DECR1: variants seen among roughly 807,000 people sequenced by gnomAD.
The protein encoded by DECR1 is 2,4-dienoyl-CoA reductase 1, also known as 2,4-dienoyl-CoA reductase [(3E)-enoyl-CoA-producing], mitochondrial.
Under a neutral mutation model 38.8 loss-of-function variants are expected in DECR1, and 44 were observed. The observed-to-expected ratio is 1.13, with a 90% CI of 0.89 to 1.46. DECR1 has a LOEUF of 1.46. Among genes scored for constraint, DECR1 ranks in the 40% most tolerant of loss-of-function variants. The pLI is 0.00. For synonymous variants in DECR1, 148 were observed against 135.2 expected (o/e 1.09, Z -0.66); for missense variants, 428 against 405.5 (o/e 1.06, Z -0.48).
intron 5 of DECR1, among the ~76,000 whole-genome samples, chr8:90,027,063 T>C (rs1813365250): frequency 6.6e-6 from 1 of 152,218 alleles, no homozygotes; most frequent in South Asian, 2.1e-4. Context: ...GAGTTGTCGT[T>C]TGATTGCACT....
At chr8:90,039,790 C>G (rs909150774) in intron 6 of DECR1, among the ~76,000 whole-genome samples, 1 of 152,180 alleles carries the variant, frequency 6.6e-6, no homozygotes. Context: ...ATTATATAAC[C>G]AGGCTCACCT....
At chr8:90,002,504 T>A (rs1563608858) in intron 1 of DECR1, among the ~76,000 whole-genome samples, 2 of 148,036 alleles carry the variant, frequency 1.4e-5, no homozygotes, top group African/African-American at 5.3e-5. Context: ...AAAGAAGCAA[T>A]AATATCCAAG....
intron 1 of DECR1, chr8:90,005,645 G>A (rs2129995025): frequency 2.8e-6 from 1 of 358,192 alleles, no homozygotes; most frequent in Non-Finnish European, 5.5e-6. Context: ...CAACGATCCT[G>A]TCAAAATTTA....
chr8:90,036,946 T>C lies in DECR1; in HGVS notation c.665+6T>C, dbSNP rs1813632460. 1 of 1,601,108 alleles carries C rather than the reference T, an allele frequency of 6.2e-7. No individual in the cohort carries two copies. Among genetic ancestry groups the C allele is most frequent in the African/African-American group, 1.3e-5 (1 of 74,732 alleles). On this transcript the variant is annotated splice_donor_region_variant and intron_variant, in intron 6 of 9. Coordinates refer to ENST00000220764, the MANE Select transcript of DECR1 (RefSeq NM_001359.2). ...GGTGTGGAAGCCATGAGCAAGTAAGTACTTCCTTGTCAATCCTGTTGCTGA... is the reference window on the plus strand; with the variant it reads ...GGTGTGGAAGCCATGAGCAAGTAAGCACTTCCTTGTCAATCCTGTTGCTGA...
chr8:90,016,023 A>G (rs541953954), intron 1 of DECR1, among the ~76,000 whole-genome samples: 3 of 152,346 alleles, frequency 2.0e-5, no homozygotes, highest in Admixed American at 1.3e-4. Flanking sequence ...TTAGATACCT[A>G]AAGTTTGTTT....
Position 90,021,225 on chromosome 8 carries a change from G to T in DECR1, c.565+169G>T, listed in dbSNP as rs538348527. Among the ~76,000 whole-genome samples the T allele has an allele frequency of 2.0e-5, 3 of 152,352 alleles. No homozygotes were observed. The East Asian group carries it at 5.8e-4, about 29-fold the overall frequency. On this transcript the variant is annotated intron_variant, in intron 5 of 9. Coordinates refer to ENST00000220764, the MANE Select transcript of DECR1 (RefSeq NM_001359.2). ...ATTATCATATGTTACAATTTGAGCA[G>T]TAATAAATATATGTTTCAAGTGCAT...
intron 5 of DECR1, among the ~76,000 whole-genome samples, chr8:90,035,101 T>C (rs1029947357): frequency 2.0e-5 from 3 of 152,154 alleles, no homozygotes; most frequent in African/African-American, 7.2e-5. Context: ...TTGTCTGTGT[T>C]TGTGTATTTT....
intron 4 of DECR1, 143 bp downstream of exon 4, chr8:90,019,315 C>A: frequency 1.5e-6 from 1 of 651,228 alleles, no homozygotes; most frequent in Non-Finnish European, 2.6e-6. Context: ...AGGTTCTTGG[C>A]TTCACCCAGG....
intron 6 of DECR1, among the ~76,000 whole-genome samples, chr8:90,040,341 C>G (rs1813726053): frequency 6.6e-6 from 1 of 152,172 alleles, no homozygotes; most frequent in Non-Finnish European, 1.5e-5. Context: ...AAAATACATT[C>G]ATGGATTAAG....
chr8:90,043,432 A>T (rs1586164364), intron 7 of DECR1, among the ~76,000 whole-genome samples: 1 of 152,216 alleles, frequency 6.6e-6, no homozygotes, highest in East Asian at 1.9e-4. Context: ...TGTTGCTCAG[A>T]ATATCCACAC....
chr8:90,020,140 G>T (rs1036516330), intron 4 of DECR1, among the ~76,000 whole-genome samples: 1 of 152,170 alleles, frequency 6.6e-6, no homozygotes, highest in African/African-American at 2.4e-5. Context: ...GTTTCTTCCA[G>T]TAGTCTCAAA....
intron 6 of DECR1, chr8:90,042,414 C>CTG: frequency 4.1e-6 from 1 of 245,010 alleles, no homozygotes; most frequent in Non-Finnish European, 7.9e-6. Flanking sequence ...TTCTAAACTA[C>CTG]AAATGGTAGG....
chr8:90,017,090 T>C (rs1813026624), intron 1 of DECR1, 34 bp from the exon 2 acceptor site: 2 of 1,491,460 alleles, frequency 1.3e-6, no homozygotes, highest in African/African-American at 1.4e-5. Flanking sequence ...TGGAAATATA[T>C]GTATGCAAAT....
At chr8:90,044,167 A>C (rs975476473) in intron 7 of DECR1, among the ~76,000 whole-genome samples, 2 of 152,186 alleles carry the variant, frequency 1.3e-5, no homozygotes, top group Non-Finnish European at 2.9e-5. Context: ...TGGGCTTTAT[A>C]ACCTCCTGGG....
At chr8:90,035,344 T>C (rs1032571638) in intron 5 of DECR1, among the ~76,000 whole-genome samples, 2 of 152,130 alleles carry the variant, frequency 1.3e-5, no homozygotes, top group African/African-American at 4.8e-5. Context: ...TGCTAGATAC[T>C]GTTCCATAGG....
At chr8:90,032,885 T>C (rs1194382566) in intron 5 of DECR1, among the ~76,000 whole-genome samples, 1 of 152,150 alleles carries the variant, frequency 6.6e-6, no homozygotes, top group East Asian at 1.9e-4. Context: ...AGCTAGTAAA[T>C]GGCAGTCTTT....
intron 2 of DECR1, among the ~76,000 whole-genome samples, chr8:90,017,633 T>C (rs1813043505): frequency 6.6e-6 from 1 of 152,166 alleles, no homozygotes; most frequent in African/African-American, 2.4e-5. Context: ...AGTTAAAAAG[T>C]ACGACATGGA....
At chr8:90,017,796 CT>C (rs1185728787) in intron 2 of DECR1, among the ~76,000 whole-genome samples, 4 of 152,082 alleles carry the variant, frequency 2.6e-5, no homozygotes, top group African/African-American at 9.7e-5. Context: ...ATGGAGGTTG[CT>C]TTGTCTTCAG....
chr8:90,043,349 A>G (rs1271260906), intron 7 of DECR1, among the ~76,000 whole-genome samples: 2 of 152,182 alleles, frequency 1.3e-5, no homozygotes, highest in African/African-American at 4.8e-5. Context: ...CTGACAGCAT[A>G]GATTTCACCT....
Sources: gnomAD v4.1 joint callset for allele counts (sites outside exome capture counted in the v4.1 genomes callset) on GRCh38, gnomAD v4.1.1 for gene constraint, MANE v1.5 for transcripts, NCBI Gene and HGNC (gene_info 2026-07-23, HGNC 2026-07-21) for gene names.